RCL1: variants seen among roughly 807,000 people sequenced by gnomAD.
RCL1 encodes the protein RNA terminal phosphate cyclase like 1.
A neutral mutation model predicts 42.4 loss-of-function variants in RCL1; 24 were observed. That is an observed-to-expected ratio of 0.57 (90% CI 0.41 to 0.80). RCL1 has a LOEUF of 0.80. RCL1 is among the 30% of genes least tolerant of loss of function. The pLI is 0.00. For missense variants in RCL1, 578 were observed against 467.9 expected, an observed-to-expected ratio of 1.24 and a Z score of -2.17; for synonymous variants, 228 against 177.3, an observed-to-expected ratio of 1.29 and a Z score of -2.27.
chr9:4,820,059 C>G (rs772448157), intron 1 of RCL1, among the ~76,000 whole-genome samples: 5 of 152,378 alleles, frequency 3.3e-5, no homozygotes, highest in Admixed American at 6.5e-5. Flanking sequence ...CTGGTAGCCA[C>G]TATCCTCACC....
chr9:4,799,599 A>G (rs1211738238), intron 1 of RCL1, among the ~76,000 whole-genome samples: 1 of 152,072 alleles, frequency 6.6e-6, no homozygotes, highest in Non-Finnish European at 1.5e-5. Flanking sequence ...TCTGTTCTTT[A>G]ATTTCTGTAA....
intron 1 of RCL1, among the ~76,000 whole-genome samples, chr9:4,803,628 G>C (rs954847623): frequency 6.6e-6 from 1 of 151,700 alleles, no homozygotes; most frequent in African/African-American, 2.4e-5. Flanking sequence ...AATTTTTCTT[G>C]ATTATTCACT....
chr9:4,813,624 G>C (rs1480457381), intron 1 of RCL1, among the ~76,000 whole-genome samples: 1 of 152,224 alleles, frequency 6.6e-6, no homozygotes, highest in East Asian at 1.9e-4. Context: ...GTGGAAGACA[G>C]TGTGGCGATT....
intron 2 of RCL1, among the ~76,000 whole-genome samples, chr9:4,824,339 C>G (rs1816688340): frequency 6.6e-6 from 1 of 150,462 alleles, no homozygotes; most frequent in African/African-American, 2.4e-5. Context: ...AGACCATCAG[C>G]AACATCATGC....
chr9:4,838,498 G>T (rs1428765344), intron 5 of RCL1, among the ~76,000 whole-genome samples: 8 of 152,214 alleles, frequency 5.3e-5, no homozygotes, highest in African/African-American at 1.7e-4. Context: ...AGGGGGATAA[G>T]TTGGAATTCG....
intron 1 of RCL1, among the ~76,000 whole-genome samples, chr9:4,817,608 GC>G (rs1366120687): frequency 6.6e-6 from 1 of 151,456 alleles, no homozygotes; most frequent in Non-Finnish European, 1.5e-5. Context: ...CCTCAACCCT[GC>G]CCCCCTGAGT....
At chr9:4,809,866 G>C (rs1816110695) in intron 1 of RCL1, among the ~76,000 whole-genome samples, 1 of 152,028 alleles carries the variant, frequency 6.6e-6, no homozygotes, top group Non-Finnish European at 1.5e-5. Context: ...ACCCAGGCTG[G>C]AATGCAGTGG....
At chr9:4,836,543 G>C (rs1030501951) in intron 5 of RCL1, among the ~76,000 whole-genome samples, 1 of 152,076 alleles carries the variant, frequency 6.6e-6, no homozygotes, top group Non-Finnish European at 1.5e-5. Flanking sequence ...ACAGGATCTG[G>C]GTGGGAGCAG....
At chr9:4,838,455 T>G (rs1817210060) in intron 5 of RCL1, among the ~76,000 whole-genome samples, 4 of 152,186 alleles carry the variant, frequency 2.6e-5, no homozygotes, top group Admixed American at 2.6e-4. Context: ...CATGATTTGG[T>G]ACATGAGAAT....
At chr9:4,815,639 G>A (rs1341083670) in intron 1 of RCL1, among the ~76,000 whole-genome samples, 1 of 151,926 alleles carries the variant, frequency 6.6e-6, no homozygotes, top group Non-Finnish European at 1.5e-5. Flanking sequence ...ATCCTCACGG[G>A]AAAAGGGGAG....
chr9:4,813,827 G>A (rs1816269622), intron 1 of RCL1, among the ~76,000 whole-genome samples: 2 of 152,158 alleles, frequency 1.3e-5, no homozygotes, highest in Admixed American at 1.3e-4. Context: ...AGAAAATGTG[G>A]CACATATACA....
intron 7 of RCL1, among the ~76,000 whole-genome samples, 167 bp from the exon 8 acceptor site, chr9:4,849,280 A>C (rs922972857): frequency 6.6e-6 from 1 of 151,856 alleles, no homozygotes. Flanking sequence ...AACCCTCTAC[A>C]GTTAGTTGAT....
chr9:4,793,211 C>T lies in RCL1; in HGVS notation c.120C>T (p.Asp40=), dbSNP rs750582433. 8 of 1,602,472 alleles carry T rather than the reference C, an allele frequency of 5.0e-6. No homozygotes were observed. In the South Asian group the frequency reaches 9.0e-5, roughly 18 times the overall value. The change falls in exon 1 of 9, where the codon GAC becomes GAT. Residue 40 remains aspartate, a synonymous_variant. Coordinates refer to ENST00000381750, the MANE Select transcript of RCL1 (RefSeq NM_005772.5). Reference sequence around the variant, plus strand: ...TCCGAAAGATTCGGGCCAGAGACGACAACCCGGGCCTCCGAGGTAACTTGG... The same window carrying T: ...TCCGAAAGATTCGGGCCAGAGACGATAACCCGGGCCTCCGAGGTAACTTGG... ...VKIRKIRARD[D]NPGLRDFEAS... is the part of the protein sequence containing the mutation.
At chr9:4,796,477 C>T (rs944322537) in intron 1 of RCL1, among the ~76,000 whole-genome samples, 1 of 152,182 alleles carries the variant, frequency 6.6e-6, no homozygotes, top group East Asian at 1.9e-4. Flanking sequence ...CTCACTGTAG[C>T]CTCAACCTCT....
intron 1 of RCL1, among the ~76,000 whole-genome samples, chr9:4,817,161 G>A (rs1056990606): frequency 6.6e-6 from 1 of 151,898 alleles, no homozygotes; most frequent in African/African-American, 2.4e-5. Context: ...AAAACTTACA[G>A]TGACTTCATC....
chr9:4,817,058 C>A (rs998767611), intron 1 of RCL1, among the ~76,000 whole-genome samples: 3 of 152,210 alleles, frequency 2.0e-5, no homozygotes, highest in Non-Finnish European at 2.9e-5. Flanking sequence ...ACCTTGTAAT[C>A]CGCCTGCCTC....
rs143690109 is a variant in RCL1 at position 4,800,586 on chromosome 9, G to C, written c.136+7359G>C. ...ATAAATGCCCAGGAGTGCTCTTGCA[G>C]GGTTGTATGGTAGTTGCATGTTTAG... On this transcript the variant is annotated intron_variant, in intron 1 of 8. Transcript: ENST00000381750. Among the ~76,000 whole-genome samples, 115 of 151,952 alleles carry C rather than the reference G, an allele frequency of 7.6e-4. 1 individual carries two copies. The highest frequency in any genetic ancestry group is 3.9e-4 in the East Asian group (2 of 5,170).
intron 7 of RCL1, among the ~76,000 whole-genome samples, chr9:4,847,570 T>C (rs7874244): frequency 0.19 from 29,348 of 152,198 alleles, 3,325 homozygotes; most frequent in East Asian, 0.54. Context: ...ACAACTGGAT[T>C]ATGGCCACTG....
At chr9:4,794,467 CG>C (rs1276916624) in intron 1 of RCL1, among the ~76,000 whole-genome samples, 3 of 152,152 alleles carry the variant, frequency 2.0e-5, no homozygotes, top group African/African-American at 7.2e-5. Context: ...ACGACTTTTC[CG>C]TCAACAAGTG....
Sources: allele counts gnomAD v4.1 joint callset (sites outside exome capture counted in the v4.1 genomes callset), GRCh38; gene constraint gnomAD v4.1.1; transcripts MANE v1.5; gene names NCBI Gene and HGNC (gene_info 2026-07-23, HGNC 2026-07-21).